Variants in BTG4 observed in about 807,000 individuals in gnomAD.
BTG4 encodes protein BTG4.
A neutral mutation model predicts 19.3 loss-of-function variants in BTG4; 10 were observed. The observed-to-expected ratio is 0.52, with a 90% CI of 0.32 to 0.88. The LOEUF (loss-of-function observed/expected upper bound fraction) is 0.88, where lower values mean the gene tolerates loss of function less well. Among genes scored for constraint, BTG4 ranks in the 40% least tolerant of loss-of-function variants. The probability of loss-of-function intolerance (pLI) is 0.04; values close to 1 mark genes in which losing one functional copy is unlikely to be tolerated. For missense variants in BTG4, 238 were observed against 281.9 expected (o/e 0.84, Z 1.11); for synonymous variants, 91 against 95.7 (o/e 0.95, Z 0.29).
At chr11:111,398,959 T>C in the BTG4 span, 1 of 152,198 alleles carries the variant, frequency 6.6e-6, no homozygotes, top group Non-Finnish European at 1.5e-5. Flanking sequence ...GTGATTTACA[T>C]GCTAGCATAA....
At chr11:111,437,525 C>T in the BTG4 span, among the ~76,000 whole-genome samples, 1 of 152,222 alleles carries the variant, frequency 6.6e-6, no homozygotes, top group East Asian at 1.9e-4. Context: ...CTGTGCTCAA[C>T]TTGAGGACTG....
chr11:111,513,175 CAGAT>C (rs897611347), upstream of BTG4, among the ~76,000 whole-genome samples: 7 of 152,170 alleles, frequency 4.6e-5, no homozygotes, highest in African/African-American at 1.4e-4. Context: ...GCGGTTTCTC[CAGAT>C]ACAGTTAAAC....
chr11:111,493,112 C>A (rs1242533796), downstream of BTG4, among the ~76,000 whole-genome samples: 1 of 152,184 alleles, frequency 6.6e-6, no homozygotes, highest in South Asian at 2.1e-4. Context: ...CGCCACTGCA[C>A]TCCAGCCTGG....
the BTG4 span, among the ~76,000 whole-genome samples, chr11:111,409,651 A>C: frequency 2.0e-5 from 3 of 152,132 alleles, no homozygotes; most frequent in Non-Finnish European, 2.9e-5. Context: ...TAAACTACCT[A>C]ATCTCAAGGT....
chr11:111,472,514 C>T (rs1323340739), intron 5 of BTG4, among the ~76,000 whole-genome samples: 2 of 152,154 alleles, frequency 1.3e-5, no homozygotes, highest in Admixed American at 1.3e-4. Flanking sequence ...TGGGACAGCT[C>T]CCAGAGCAAA....
the BTG4 span, among the ~76,000 whole-genome samples, chr11:111,386,985 T>C: frequency 6.6e-6 from 1 of 152,260 alleles, no homozygotes; most frequent in Non-Finnish European, 1.5e-5. Flanking sequence ...GTGCTAGCAG[T>C]GTGGCCTTGG....
chr11:111,419,139 C>G, the BTG4 span, among the ~76,000 whole-genome samples: 1 of 152,190 alleles, frequency 6.6e-6, no homozygotes, highest in Non-Finnish European at 1.5e-5. Flanking sequence ...AAGACCTTAT[C>G]TCCAAATAGA....
At chr11:111,492,887 G>A (rs767778985), downstream of BTG4, among the ~76,000 whole-genome samples, 4 of 151,998 alleles carry the variant, frequency 2.6e-5, no homozygotes, top group African/African-American at 4.8e-5. Context: ...CAGAGTCCCC[G>A]GTAATCCCAG....
intron 1 of BTG4, among the ~76,000 whole-genome samples, chr11:111,499,779 A>G (rs887201688): frequency 6.6e-6 from 1 of 152,206 alleles, no homozygotes; most frequent in Non-Finnish European, 1.5e-5. Flanking sequence ...GAGTTTATCT[A>G]ACCTCACCAG....
chr11:111,443,192 C>T, the BTG4 span, among the ~76,000 whole-genome samples: 1 of 152,188 alleles, frequency 6.6e-6, no homozygotes. Context: ...AACTGAGGAA[C>T]ATTCTACAAA....
intron 1 of BTG4, among the ~76,000 whole-genome samples, chr11:111,507,291 G>A (rs1252140416): frequency 6.6e-6 from 1 of 152,170 alleles, no homozygotes; most frequent in African/African-American, 2.4e-5. Context: ...ACTTTCTTCA[G>A]CTGTGCAGAC....
At chr11:111,511,210 A>G (rs1591545383) in intron 1 of BTG4, among the ~76,000 whole-genome samples, 1 of 152,208 alleles carries the variant, frequency 6.6e-6, no homozygotes, top group Non-Finnish European at 1.5e-5. Context: ...TACAATTAAC[A>G]TTTTCTGTGC....
chr11:111,411,540 C>A, the BTG4 span, among the ~76,000 whole-genome samples: 3 of 152,188 alleles, frequency 2.0e-5, no homozygotes, highest in East Asian at 5.8e-4. Context: ...AACGTGCTTT[C>A]TTTTCCTTCA....
chr11:111,428,399 G>C, the BTG4 span, among the ~76,000 whole-genome samples: 6 of 152,098 alleles, frequency 3.9e-5, no homozygotes, highest in African/African-American at 1.4e-4. Flanking sequence ...GCTTTTCCTT[G>C]CATCTCTGTC....
At chr11:111,468,174 T>G (rs113376041) in intron 5 of BTG4, among the ~76,000 whole-genome samples, 210 of 151,846 alleles carry the variant, frequency 1.4e-3, no homozygotes, top group African/African-American at 4.8e-3. Flanking sequence ...TGTTGGGGGG[T>G]TTAATAAAAC....
At position 111,500,047 on chromosome 11, in the gene BTG4, C is replaced by G. The variant is rs543852387; in HGVS notation, c.-26-1245G>C. Among the ~76,000 whole-genome samples the G allele has an allele frequency of 3.9e-5, 6 of 151,996 alleles. No homozygotes were observed. The South Asian group carries it at 8.3e-4, about 21-fold the overall frequency. On this transcript the variant is annotated intron_variant, in intron 1 of 4. Transcript: ENST00000692032. ...GTCCCAGCTACTCAGGAGGCTGAGG[C>G]AGGACAATCACTTGAACCCAGGAGG... is the stretch of plus-strand genomic sequence containing the variant.
At chr11:111,429,431 A>T in the BTG4 span, among the ~76,000 whole-genome samples, 1 of 152,210 alleles carries the variant, frequency 6.6e-6, no homozygotes, top group African/African-American at 2.4e-5. Context: ...CAACTGATGA[A>T]ATCAGGCTGA....
chr11:111,482,975 G>A (rs1187899348), intron 5 of BTG4, among the ~76,000 whole-genome samples: 1 of 152,124 alleles, frequency 6.6e-6, no homozygotes, highest in African/African-American at 2.4e-5. Flanking sequence ...ACGTCATTAA[G>A]AGGATAAAAC....
intron 5 of BTG4, among the ~76,000 whole-genome samples, chr11:111,485,381 T>A (rs903998371): frequency 4.6e-5 from 7 of 152,100 alleles, no homozygotes; most frequent in Non-Finnish European, 7.4e-5. Context: ...AAAAATTTTT[T>A]AAAAAATGAA....
Sources: allele counts gnomAD v4.1 joint callset (sites outside exome capture counted in the v4.1 genomes callset), GRCh38; gene constraint gnomAD v4.1.1; transcripts MANE v1.5; gene names NCBI Gene and HGNC (gene_info 2026-07-23, HGNC 2026-07-21).